Variants in PRKG1 observed in about 807,000 individuals in gnomAD.
PRKG1 encodes protein kinase cGMP-dependent 1.
A neutral mutation model predicts 88.1 loss-of-function variants in PRKG1; 35 were observed. That is an observed-to-expected ratio of 0.40 (90% CI 0.30 to 0.53). The LOEUF is 0.53. Ranked by LOEUF, PRKG1 falls within the 20% of genes least tolerant of loss-of-function variation. PRKG1 has a pLI of 0.59. For synonymous variants in PRKG1, 303 were observed against 292.5 expected (o/e 1.04, Z -0.37); for missense variants, 540 against 839.8 (o/e 0.64, Z 4.41).
chr10:51,257,840 C>T (rs1243246504), intron 2 of PRKG1, among the ~76,000 whole-genome samples: 1 of 152,096 alleles, frequency 6.6e-6, no homozygotes, highest in African/African-American at 2.4e-5. Flanking sequence ...TAGTGCTCAC[C>T]AGCATACACT....
At chr10:51,960,561 A>G (rs1352464596) in intron 5 of PRKG1, among the ~76,000 whole-genome samples, 2 of 151,352 alleles carry the variant, frequency 1.3e-5, no homozygotes, top group African/African-American at 4.9e-5. Flanking sequence ...GTAGTGTCAC[A>G]TTGATTCTAT....
At chr10:51,717,100 G>C (rs1231627686) in intron 3 of PRKG1, among the ~76,000 whole-genome samples, 1 of 152,198 alleles carries the variant, frequency 6.6e-6, no homozygotes, top group African/African-American at 2.4e-5. Flanking sequence ...AATTCCAGCT[G>C]GTTCTTCCAG....
At chr10:51,799,287 G>A (rs578248683) in intron 3 of PRKG1, among the ~76,000 whole-genome samples, 14 of 151,994 alleles carry the variant, frequency 9.2e-5, no homozygotes, top group South Asian at 6.2e-4. Flanking sequence ...TTATAATTCC[G>A]CATCAAGGCA....
At chr10:51,010,263 G>T (rs1842978296) in intron 1 of PRKG1, among the ~76,000 whole-genome samples, 1 of 152,238 alleles carries the variant, frequency 6.6e-6, no homozygotes, top group African/African-American at 2.4e-5. Context: ...CCAATTATTT[G>T]GGTGAGGCCA....
chr10:51,364,672 C>T lies in PRKG1; in HGVS notation c.479-103051C>T, dbSNP rs142477409. Reference sequence around the variant, plus strand: ...TGGATGGATTTATATAAAAAAATTTCAGGAAAAACCTATAGATAGAAAAAA... The same window carrying T: ...TGGATGGATTTATATAAAAAAATTTTAGGAAAAACCTATAGATAGAAAAAA... On this transcript the variant is annotated intron_variant, in intron 2 of 17. Transcript: ENST00000373980. Among the ~76,000 whole-genome samples, 106 of 151,816 alleles carry T rather than the reference C, an allele frequency of 7.0e-4. 2 individuals carry two copies. In the East Asian group the frequency reaches 0.018, roughly 26 times the overall value.
At chr10:51,038,695 G>A (rs1196251276) in intron 1 of PRKG1, among the ~76,000 whole-genome samples, 1 of 152,176 alleles carries the variant, frequency 6.6e-6, no homozygotes, top group East Asian at 1.9e-4. Context: ...CTACTTCACT[G>A]TTTGTATATA....
chr10:52,050,955 T>G (rs1845974196), intron 5 of PRKG1, among the ~76,000 whole-genome samples: 1 of 152,136 alleles, frequency 6.6e-6, no homozygotes, highest in South Asian at 2.1e-4. Context: ...ATAGTTTTGA[T>G]TTCTGCAGCT....
chr10:51,714,978 C>T (rs1841850960), intron 3 of PRKG1, among the ~76,000 whole-genome samples: 1 of 152,094 alleles, frequency 6.6e-6, no homozygotes, highest in Non-Finnish European at 1.5e-5. Flanking sequence ...AGGGACAGGA[C>T]AGTGTTACCG....
intron 4 of PRKG1, among the ~76,000 whole-genome samples, chr10:51,861,558 A>G (rs1160825926): frequency 6.8e-6 from 1 of 147,858 alleles, no homozygotes; most frequent in East Asian, 1.9e-4. Context: ...GTAATTTTGT[A>G]ATAATGACAA....
At chr10:51,412,017 T>C (rs1838101250) in intron 2 of PRKG1, among the ~76,000 whole-genome samples, 1 of 152,322 alleles carries the variant, frequency 6.6e-6, no homozygotes, top group Admixed American at 6.5e-5. Context: ...AAGTGTCTCA[T>C]TATCTGATAT....
chr10:51,599,925 A>G (rs966072963), intron 3 of PRKG1, among the ~76,000 whole-genome samples: 2 of 152,204 alleles, frequency 1.3e-5, no homozygotes, highest in South Asian at 2.1e-4. Context: ...ATATGTGTAC[A>G]TGCATGCATA....
chr10:51,666,986 C>T (rs1038794654), intron 3 of PRKG1, among the ~76,000 whole-genome samples: 6 of 151,820 alleles, frequency 4.0e-5, no homozygotes, highest in Admixed American at 2.6e-4. Flanking sequence ...TTAGTAGAGA[C>T]GTGGTTTCAC....
At chr10:52,112,003 G>C (rs1449783208) in intron 7 of PRKG1, among the ~76,000 whole-genome samples, 3 of 152,146 alleles carry the variant, frequency 2.0e-5, no homozygotes, top group Non-Finnish European at 4.4e-5. Flanking sequence ...GCTGAAGCCT[G>C]ACTGTAGACC....
intron 6 of PRKG1, among the ~76,000 whole-genome samples, chr10:52,055,034 G>T (rs1007493584): frequency 1.3e-5 from 2 of 152,148 alleles, no homozygotes; most frequent in Non-Finnish European, 1.5e-5. Context: ...TACTTCGGAG[G>T]CTGAGACAGG....
At chr10:51,463,654 C>T (rs1221345592) in intron 2 of PRKG1, among the ~76,000 whole-genome samples, 4 of 152,110 alleles carry the variant, frequency 2.6e-5, no homozygotes, top group African/African-American at 9.7e-5. Flanking sequence ...TTAGGTGAAC[C>T]ACACATTTAT....
At chr10:51,103,356 C>G (rs562173271) in intron 1 of PRKG1, among the ~76,000 whole-genome samples, 3 of 152,218 alleles carry the variant, frequency 2.0e-5, no homozygotes, top group Admixed American at 1.3e-4. Context: ...ACTGGGCAAG[C>G]TTCAAGGGGA....
intron 4 of PRKG1, among the ~76,000 whole-genome samples, chr10:51,834,949 A>G (rs1370489436): frequency 6.6e-6 from 1 of 152,136 alleles, no homozygotes; most frequent in African/African-American, 2.4e-5. Context: ...AGAAAAATGT[A>G]TAAAGACATA....
At chr10:52,282,019 CT>C in intron 13 of PRKG1, 133 bp from the exon 14 acceptor site, 1 of 978,388 alleles carries the variant, frequency 1.0e-6, no homozygotes, top group Non-Finnish European at 1.4e-6. Context: ...ATAGACTATT[CT>C]TTTTGGAAGA....
At chr10:51,984,317 A>G (rs1316164527) in intron 5 of PRKG1, among the ~76,000 whole-genome samples, 5 of 152,254 alleles carry the variant, frequency 3.3e-5, no homozygotes. Flanking sequence ...ATTACTTACA[A>G]GCTAAAGTGG....
Sources: allele counts gnomAD v4.1 joint callset (sites outside exome capture counted in the v4.1 genomes callset), GRCh38; gene constraint gnomAD v4.1.1; transcripts MANE v1.5; gene names NCBI Gene and HGNC (gene_info 2026-07-23, HGNC 2026-07-21).